MACROD2: variants seen among roughly 807,000 people sequenced by gnomAD.
MACROD2 encodes mono-ADP ribosylhydrolase 2, also known as ADP-ribose glycohydrolase MACROD2.
In MACROD2, 36 loss-of-function variants were observed where a neutral mutation model predicts 70.4. That is an observed-to-expected ratio of 0.51 (90% CI 0.39 to 0.68). The LOEUF is 0.68. Among genes scored for constraint, MACROD2 ranks in the 30% least tolerant of loss-of-function variants. MACROD2 has a pLI of 0.00. For synonymous variants in MACROD2, 172 were observed against 178.8 expected, an observed-to-expected ratio of 0.96 and a Z score of 0.30; for missense variants, 496 against 538.4, an observed-to-expected ratio of 0.92 and a Z score of 0.78.
chr20:14,549,595 T>C (rs1978520375), intron 4 of MACROD2, among the ~76,000 whole-genome samples: 1 of 152,170 alleles, frequency 6.6e-6, no homozygotes, highest in African/African-American at 2.4e-5. Flanking sequence ...TACTTTTTTT[T>C]TTCAGATGTT....
intron 3 of MACROD2, among the ~76,000 whole-genome samples, chr20:14,166,579 A>G (rs866515374): frequency 2.6e-5 from 4 of 152,178 alleles, no homozygotes; most frequent in Non-Finnish European, 5.9e-5. Context: ...TATGTAATGT[A>G]CATTTCCACC....
At chr20:14,524,387 T>C (rs1164321793) in intron 4 of MACROD2, among the ~76,000 whole-genome samples, 1 of 152,250 alleles carries the variant, frequency 6.6e-6, no homozygotes, top group Non-Finnish European at 1.5e-5. Flanking sequence ...AACCACTTTC[T>C]CTATCTTTAC....
rs938969026 is a variant in MACROD2, at chr20:15,192,262, G to C, written c.419-37678G>C. 8.6e-5 allele frequency among the ~76,000 whole-genome samples: 13 copies of C among 152,012 alleles called. No homozygotes were observed. In the East Asian group the frequency reaches 2.5e-3, roughly 29 times the overall value. On this transcript the variant is annotated intron_variant, in intron 5 of 17. Coordinates refer to ENST00000684519, the MANE Select transcript of MACROD2 (RefSeq NM_001351661.2). ...ACATGTAACTTGGATCACCTTCTGG[G>C]TTGGCTTTCCAACACTGCCAGCAAG...
intron 8 of MACROD2, among the ~76,000 whole-genome samples, chr20:15,688,871 G>T (rs559570371): frequency 6.6e-6 from 1 of 152,196 alleles, no homozygotes; most frequent in East Asian, 1.9e-4. Flanking sequence ...CTTAACAACG[G>T]TTAGTAATGC....
intron 4 of MACROD2, among the ~76,000 whole-genome samples, chr20:14,682,258 A>C (rs185074107): frequency 6.6e-6 from 1 of 152,202 alleles, no homozygotes; most frequent in Non-Finnish European, 1.5e-5. Flanking sequence ...GAAAACGTTT[A>C]CTTTAAAATA....
chr20:15,823,464 T>C (rs940971923), intron 8 of MACROD2, among the ~76,000 whole-genome samples: 1 of 152,218 alleles, frequency 6.6e-6, no homozygotes, highest in Non-Finnish European at 1.5e-5. Context: ...AATGACTAGA[T>C]TGCTTTTAAA....
intron 8 of MACROD2, among the ~76,000 whole-genome samples, chr20:15,764,641 A>G (rs566856512): frequency 6.6e-5 from 10 of 152,292 alleles, no homozygotes; most frequent in Admixed American, 2.0e-4. Flanking sequence ...TGCCACCACC[A>G]TAGTTCAAAA....
intron 15 of MACROD2, among the ~76,000 whole-genome samples, chr20:16,004,481 CA>C (rs554889109): frequency 7.0e-4 from 106 of 152,332 alleles, no homozygotes; most frequent in Non-Finnish European, 1.4e-3. Flanking sequence ...ACGACTACTC[CA>C]AATGTCATGC....
intron 6 of MACROD2, among the ~76,000 whole-genome samples, chr20:15,289,467 A>G (rs1416480787): frequency 6.6e-6 from 1 of 152,334 alleles, no homozygotes; most frequent in East Asian, 1.9e-4. Context: ...GAAACCTTCA[A>G]AGAACAAACT....
intron 5 of MACROD2, among the ~76,000 whole-genome samples, chr20:14,968,230 A>C (rs1386170034): frequency 6.6e-6 from 1 of 152,160 alleles, no homozygotes; most frequent in Non-Finnish European, 1.5e-5. Context: ...TCTTTTTAAC[A>C]CCTTGACCCA....
chr20:15,374,842 C>T (rs1305570448), intron 6 of MACROD2, among the ~76,000 whole-genome samples: 2 of 152,170 alleles, frequency 1.3e-5, no homozygotes, highest in Non-Finnish European at 2.9e-5. Flanking sequence ...AGGGAAAATC[C>T]TTAAAAGCTA....
At chr20:14,682,700 T>C (rs1025052007) in intron 4 of MACROD2, among the ~76,000 whole-genome samples, 1 of 152,102 alleles carries the variant, frequency 6.6e-6, no homozygotes, top group Non-Finnish European at 1.5e-5. Flanking sequence ...CTCCTGTTGA[T>C]GGACATCTGA....
intron 4 of MACROD2, among the ~76,000 whole-genome samples, chr20:14,575,421 A>G (rs1056626361): frequency 6.6e-6 from 1 of 152,094 alleles, no homozygotes; most frequent in Non-Finnish European, 1.5e-5. Flanking sequence ...ACCACTGTAC[A>G]CTCTTGAGAT....
intron 12 of MACROD2, among the ~76,000 whole-genome samples, chr20:15,938,556 G>T (rs1307208896): frequency 1.3e-5 from 2 of 152,044 alleles, no homozygotes; most frequent in Admixed American, 1.3e-4. Context: ...AGTAAATGTG[G>T]TTCTGACTAC....
At chr20:14,462,550 T>C (rs1201123998) in intron 3 of MACROD2, among the ~76,000 whole-genome samples, 1 of 151,754 alleles carries the variant, frequency 6.6e-6, no homozygotes, top group Non-Finnish European at 1.5e-5. Context: ...TAGATCCCAT[T>C]TGTCAATTTT....
intron 8 of MACROD2, among the ~76,000 whole-genome samples, chr20:15,813,208 AAACCATTGGACATTTCTAAATT>A (rs1207972441): frequency 6.6e-6 from 1 of 152,226 alleles, no homozygotes; most frequent in Non-Finnish European, 1.5e-5. Flanking sequence ...CAGCAACTCA[AAACCATTGGACATTTCTAAATT>A]TTTTATGTAA....
intron 5 of MACROD2, among the ~76,000 whole-genome samples, chr20:14,759,638 A>G (rs1019250218): frequency 6.6e-6 from 1 of 152,146 alleles, no homozygotes; most frequent in African/African-American, 2.4e-5. Context: ...TACAGAAAAT[A>G]TTATTTTACA....
chr20:15,831,441 T>C (rs1489624135), intron 8 of MACROD2, among the ~76,000 whole-genome samples: 1 of 152,220 alleles, frequency 6.6e-6, no homozygotes, highest in Non-Finnish European at 1.5e-5. Context: ...AGGAGCCTAA[T>C]GCTTGCATGT....
At chr20:15,454,438 CACACACACACACACA>C (rs1568820011) in intron 7 of MACROD2, among the ~76,000 whole-genome samples, 19 of 106,480 alleles carry the variant, frequency 1.8e-4, no homozygotes, top group African/African-American at 4.7e-4. Context: ...CACACACACA[CACACACACACACACA>C]CCCTTATTAT....
Sources: allele counts gnomAD v4.1 joint callset (sites outside exome capture counted in the v4.1 genomes callset), GRCh38; gene constraint gnomAD v4.1.1; transcripts MANE v1.5; gene names NCBI Gene and HGNC (gene_info 2026-07-23, HGNC 2026-07-21).